MTA3: variants seen among roughly 807,000 people sequenced by gnomAD.
MTA3 encodes the protein metastasis-associated protein MTA3.
Under a neutral mutation model 83.5 loss-of-function variants are expected in MTA3, and 34 were observed. The observed-to-expected ratio is 0.41, with a 90% CI of 0.31 to 0.54. MTA3 has a LOEUF of 0.54. Ranked by LOEUF, MTA3 falls within the 20% of genes least tolerant of loss-of-function variation. MTA3 has a pLI of 0.33. For missense variants in MTA3, 761 were observed against 726.4 expected, an observed-to-expected ratio of 1.05 and a Z score of -0.55; for synonymous variants, 303 against 252.7, an observed-to-expected ratio of 1.20 and a Z score of -1.89.
rs1691670497 is a variant in MTA3, at chr2:42,679,423, GC to G, written c.703-2976del. Among the ~76,000 whole-genome samples the G allele has an allele frequency of 2.0e-5, 3 of 152,228 alleles. No homozygotes were observed. In the South Asian group the frequency reaches 6.2e-4, roughly 32 times the overall value. ...AGCAAATTGAAAACCGCACAGAAAG[GC>G]CAATGTGCAACTAGGCTTCACTAAA... is the stretch of plus-strand genomic sequence containing the variant. On this transcript the variant is annotated intron_variant, in intron 8 of 16. Transcript: ENST00000405094.
At chr2:42,606,220 G>C (rs866726976) in intron 3 of MTA3, among the ~76,000 whole-genome samples, 1 of 141,364 alleles carries the variant, frequency 7.1e-6, no homozygotes. Flanking sequence ...CCTCCCTCCC[G>C]GACGGGGTGG....
At chr2:42,658,910 A>G (rs1019681495) in intron 7 of MTA3, among the ~76,000 whole-genome samples, 1 of 150,806 alleles carries the variant, frequency 6.6e-6, no homozygotes, top group South Asian at 2.1e-4. Flanking sequence ...CCTTGTCTAC[A>G]GAAAATTTTT....
intron 16 of MTA3, among the ~76,000 whole-genome samples, chr2:42,723,586 CA>C (rs1667588097): frequency 6.6e-6 from 1 of 152,144 alleles, no homozygotes; most frequent in Non-Finnish European, 1.5e-5. Context: ...ACCTCTTATC[CA>C]AAGTACTTCT....
intron 14 of MTA3, among the ~76,000 whole-genome samples, chr2:42,712,498 AT>A (rs1414247247): frequency 6.6e-6 from 1 of 152,064 alleles, no homozygotes; most frequent in African/African-American, 2.4e-5. Flanking sequence ...TGAAAAATTT[AT>A]TTTTTAAACC....
chr2:42,691,727 C>G (rs1339404661), intron 9 of MTA3, among the ~76,000 whole-genome samples: 1 of 152,156 alleles, frequency 6.6e-6, no homozygotes, highest in Non-Finnish European at 1.5e-5. Context: ...AATCCTTCAG[C>G]TTTTGTTTGT....
At chr2:42,499,961 G>T (rs1439426280) in intron 2 of MTA3, among the ~76,000 whole-genome samples, 14 of 138,198 alleles carry the variant, frequency 1.0e-4, no homozygotes, top group Non-Finnish European at 2.0e-4. Flanking sequence ...TTTCTTTTTT[G>T]AAAAAAAAAA....
intron 4 of MTA3, among the ~76,000 whole-genome samples, chr2:42,628,263 T>A (rs1462188900): frequency 6.9e-6 from 1 of 145,318 alleles, no homozygotes; most frequent in Non-Finnish European, 1.5e-5. Context: ...GGAGTTTTGC[T>A]CTTGTCACCC....
intron 6 of MTA3, among the ~76,000 whole-genome samples, chr2:42,646,323 A>G (rs563383786): frequency 6.6e-6 from 1 of 152,380 alleles, no homozygotes; most frequent in East Asian, 1.9e-4. Flanking sequence ...TCTATGGATC[A>G]AGGAGAAATT....
intron 6 of MTA3, among the ~76,000 whole-genome samples, chr2:42,644,706 C>G (rs531941956): frequency 2.6e-5 from 4 of 152,274 alleles, no homozygotes; most frequent in South Asian, 2.1e-4. Flanking sequence ...TGAAACATTT[C>G]AAACCTTTTC....
Position 42,547,669 on chromosome 2 carries a change from G to C in MTA3, c.-140-22768G>C, listed in dbSNP as rs556327425. 3.9e-5 allele frequency among the ~76,000 whole-genome samples: 6 copies of C among 152,298 alleles called. No individual in the cohort carries two copies. In the South Asian group the frequency reaches 1.2e-3, roughly 32 times the overall value. ...TTGAACACTCAGCAGTTGAAGTATG[G>C]CTTCTGGGACTGGCCAAGACTTAGC... On this transcript the variant is annotated intron_variant, in intron 2 of 17. Coordinates refer to the MTA3 transcript ENST00000405592.
At chr2:42,536,625 T>A (rs1332060254) in intron 2 of MTA3, among the ~76,000 whole-genome samples, 1 of 151,998 alleles carries the variant, frequency 6.6e-6, no homozygotes, top group African/African-American at 2.4e-5. Context: ...TTTGGGAGGC[T>A]GAGGCAGGCG....
rs565033309 is a variant in MTA3, at chr2:42,699,811, A to G, written c.1025+1977A>G. 3.3e-5 allele frequency among the ~76,000 whole-genome samples: 5 copies of G among 152,188 alleles called. No individual in the cohort carries two copies. The South Asian group carries it at 8.3e-4, about 25-fold the overall frequency. Reference sequence around the variant, plus strand: ...TACTGGATGTATTGGTCTTAAACTCAGTGTGGGAAGGTCTGGACTAGAGAT... The same window carrying G: ...TACTGGATGTATTGGTCTTAAACTCGGTGTGGGAAGGTCTGGACTAGAGAT... On this transcript the variant is annotated intron_variant, in intron 11 of 16. Coordinates refer to ENST00000405094, the MANE Select transcript of MTA3 (RefSeq NM_001330442.2).
At chr2:42,716,699 A>AC (rs1667055964) in intron 14 of MTA3, among the ~76,000 whole-genome samples, 1 of 152,204 alleles carries the variant, frequency 6.6e-6, no homozygotes, top group Admixed American at 6.5e-5. Context: ...TTCATGGTGT[A>AC]CATGTACCAC....
intron 15 of MTA3, among the ~76,000 whole-genome samples, chr2:42,719,423 C>G (rs1429979250): frequency 6.6e-6 from 1 of 152,182 alleles, no homozygotes; most frequent in East Asian, 1.9e-4. Context: ...CTTCAGATCC[C>G]TTCCCTGTTT....
intron 8 of MTA3, among the ~76,000 whole-genome samples, chr2:42,673,818 C>G (rs1276397597): frequency 6.6e-6 from 1 of 152,162 alleles, no homozygotes; most frequent in Non-Finnish European, 1.5e-5. Context: ...TGTGGACTTT[C>G]ACGATGAATT....
chr2:42,514,681 C>CATTTTTTTTTTTTTTT (rs1558407293), intron 2 of MTA3, among the ~76,000 whole-genome samples: 1 of 35,836 alleles, frequency 2.8e-5, no homozygotes, highest in Non-Finnish European at 5.1e-5. Flanking sequence ...GCGCCCAGCC[C>CATTTTTTTTTTTTTTT]CTTTTTTTTT....
intron 2 of MTA3, among the ~76,000 whole-genome samples, chr2:42,497,298 C>A (rs1327549938): frequency 2.0e-5 from 3 of 150,920 alleles, no homozygotes; most frequent in Admixed American, 2.0e-4. Context: ...ACAATAAAGT[C>A]CAAATTGGCC....
At chr2:42,711,781 A>AGTGTGT (rs1328473255) in intron 14 of MTA3, among the ~76,000 whole-genome samples, 28 of 148,544 alleles carry the variant, frequency 1.9e-4, no homozygotes, top group African/African-American at 5.8e-4. Context: ...GGAGAGAGAG[A>AGTGTGT]GAGTGTGTGT....
rs188195825 is a variant in MTA3 at position 42,695,714 on chromosome 2, C to G, written c.892-51C>G. ...TTTCTATAGTAGCTTATTTTCATCT[C>G]ATTTTATTATATGTTAACATAGATG... is the stretch of plus-strand genomic sequence containing the variant. On this transcript the variant is annotated intron_variant, in intron 9 of 16. Coordinates refer to ENST00000405094, the MANE Select transcript of MTA3 (RefSeq NM_001330442.2). The G allele has an allele frequency of 9.2e-5, 94 of 1,021,012 alleles. 1 individual carries two copies. In the East Asian group the frequency reaches 1.3e-3, roughly 15 times the overall value. The allele number at this position is 1,021,012 out of a possible 1,614,324, so 63.2% of individuals were successfully genotyped here. A position where few individuals can be genotyped will look rare whatever the true frequency, so the allele number is the denominator to read the frequency against.
Sources: allele counts gnomAD v4.1 joint callset (sites outside exome capture counted in the v4.1 genomes callset), GRCh38; gene constraint gnomAD v4.1.1; transcripts MANE v1.5; gene names NCBI Gene and HGNC (gene_info 2026-07-23, HGNC 2026-07-21).